The following KHDRBS2 variants were observed in gnomAD, a reference collection of about 807,000 sequenced individuals.
The protein encoded by KHDRBS2 is KH RNA binding domain containing, signal transduction associated 2.
A neutral mutation model predicts 44.3 loss-of-function variants in KHDRBS2; 26 were observed. The observed-to-expected ratio is 0.59, with a 90% CI of 0.43 to 0.81. KHDRBS2 has a LOEUF of 0.81. Ranked by LOEUF, KHDRBS2 falls within the 40% of genes least tolerant of loss-of-function variation. The pLI is 0.00. For synonymous variants in KHDRBS2, 194 were observed against 151.1 expected, an observed-to-expected ratio of 1.28 and a Z score of -2.08; for missense variants, 476 against 433.1, an observed-to-expected ratio of 1.10 and a Z score of -0.88.
At chr6:62,041,320 A>G (rs1786451908) in intron 3 of KHDRBS2, among the ~76,000 whole-genome samples, 1 of 152,124 alleles carries the variant, frequency 6.6e-6, no homozygotes, top group African/African-American at 2.4e-5. Flanking sequence ...AGCAAGAATG[A>G]GACTCCGTCT....
intron 6 of KHDRBS2, among the ~76,000 whole-genome samples, chr6:61,885,488 A>G (rs181873432): frequency 6.6e-6 from 1 of 152,288 alleles, no homozygotes; most frequent in East Asian, 1.9e-4. Context: ...GTAGTTCACA[A>G]TGGAATAGCA....
At chr6:61,728,196 C>A (rs1232617466) in intron 7 of KHDRBS2, among the ~76,000 whole-genome samples, 1 of 151,786 alleles carries the variant, frequency 6.6e-6, no homozygotes, top group Non-Finnish European at 1.5e-5. Flanking sequence ...AAGAGAAAAC[C>A]AAAAACCACA....
chr6:61,896,532 C>T (rs1802975352), intron 5 of KHDRBS2, among the ~76,000 whole-genome samples: 1 of 152,138 alleles, frequency 6.6e-6, no homozygotes, highest in East Asian at 1.9e-4. Flanking sequence ...GCAAACCTGC[C>T]TCCTGAACCT....
chr6:61,903,285 C>T (rs1252706169), intron 4 of KHDRBS2, among the ~76,000 whole-genome samples: 2 of 152,066 alleles, frequency 1.3e-5, no homozygotes, highest in African/African-American at 4.8e-5. Flanking sequence ...AGCTTCTTCT[C>T]TGAGGAAAAC....
chr6:61,662,095 A>T, the KHDRBS2 span, among the ~76,000 whole-genome samples: 72 of 152,234 alleles, frequency 4.7e-4, no homozygotes, highest in South Asian at 4.6e-3. Flanking sequence ...ATAATGCTGC[A>T]TATCTACAAC....
intron 6 of KHDRBS2, among the ~76,000 whole-genome samples, chr6:61,752,938 T>C (rs1324540407): frequency 1.3e-5 from 2 of 152,098 alleles, no homozygotes; most frequent in Admixed American, 6.6e-5. Flanking sequence ...TCTGGATTAA[T>C]AGAATAATAA....
intron 7 of KHDRBS2, among the ~76,000 whole-genome samples, chr6:61,712,263 C>T (rs555971580): frequency 2.0e-5 from 3 of 151,800 alleles, no homozygotes; most frequent in African/African-American, 7.3e-5. Flanking sequence ...AATCACACAG[C>T]AAAGGTCATG....
the KHDRBS2 span, among the ~76,000 whole-genome samples, chr6:61,586,428 G>A: frequency 3.3e-5 from 5 of 152,086 alleles, no homozygotes; most frequent in African/African-American, 1.2e-4. Flanking sequence ...TCTGGGACCA[G>A]TTTTCACTTT....
intron 7 of KHDRBS2, among the ~76,000 whole-genome samples, chr6:61,699,069 T>G (rs1472525628): frequency 5.3e-5 from 8 of 152,142 alleles, no homozygotes; most frequent in Non-Finnish European, 1.2e-4. Context: ...CTTCTTGTTA[T>G]AGAAAATTGG....
At chr6:61,752,897 C>T (rs12209481) in intron 6 of KHDRBS2, among the ~76,000 whole-genome samples, 24 of 152,118 alleles carry the variant, frequency 1.6e-4, no homozygotes, top group Admixed American at 1.3e-3. Flanking sequence ...TCCTGAGAGG[C>T]TGAATACACT....
intron 7 of KHDRBS2, among the ~76,000 whole-genome samples, chr6:61,723,084 C>T (rs1487292799): frequency 6.6e-6 from 1 of 152,074 alleles, no homozygotes; most frequent in African/African-American, 2.4e-5. Context: ...ATGGGAAAAA[C>T]TGAGGCAACT....
At chr6:61,911,240 T>C (rs1805996499) in intron 4 of KHDRBS2, among the ~76,000 whole-genome samples, 1 of 152,156 alleles carries the variant, frequency 6.6e-6, no homozygotes, top group African/African-American at 2.4e-5. Context: ...TTTAACCTGT[T>C]AGATGTTTTT....
chr6:62,123,610 T>A (rs1401015467), intron 2 of KHDRBS2, among the ~76,000 whole-genome samples: 1 of 152,224 alleles, frequency 6.6e-6, no homozygotes, highest in African/African-American at 2.4e-5. Context: ...TTGAGATGCA[T>A]AATTTTTTAA....
At chr6:61,870,524 C>G (rs1483452074) in intron 6 of KHDRBS2, among the ~76,000 whole-genome samples, 1 of 152,094 alleles carries the variant, frequency 6.6e-6, no homozygotes, top group Non-Finnish European at 1.5e-5. Flanking sequence ...GACCTCCCAG[C>G]ATAGTGTCAG....
intron 7 of KHDRBS2, among the ~76,000 whole-genome samples, chr6:61,726,859 T>C (rs558478960): frequency 1.3e-5 from 2 of 152,212 alleles, no homozygotes; most frequent in African/African-American, 2.4e-5. Flanking sequence ...AAGTAATTTA[T>C]AGATTCAATA....
At chr6:61,585,506 C>T in the KHDRBS2 span, among the ~76,000 whole-genome samples, 1 of 151,978 alleles carries the variant, frequency 6.6e-6, no homozygotes, top group East Asian at 1.9e-4. Context: ...AACCTCTTTC[C>T]TATTCTCTAA....
chr6:61,745,162 G>A (rs536456310), intron 6 of KHDRBS2, among the ~76,000 whole-genome samples: 1 of 152,200 alleles, frequency 6.6e-6, no homozygotes, highest in Admixed American at 6.5e-5. Flanking sequence ...TTGGCGCTTG[G>A]TGGGGACAAA....
At chr6:61,952,200 T>C (rs1392633890) in intron 4 of KHDRBS2, among the ~76,000 whole-genome samples, 5 of 152,080 alleles carry the variant, frequency 3.3e-5, no homozygotes. Context: ...TAAAACTAAT[T>C]GTTTTTAAAG....
intron 6 of KHDRBS2, among the ~76,000 whole-genome samples, chr6:61,884,666 C>A (rs780894422): frequency 4.1e-5 from 6 of 146,814 alleles, no homozygotes; most frequent in Non-Finnish European, 7.5e-5. Flanking sequence ...CCTTTACCTG[C>A]ACATAACAGT....
Sources: allele counts gnomAD v4.1 joint callset (sites outside exome capture counted in the v4.1 genomes callset), GRCh38; gene constraint gnomAD v4.1.1; transcripts MANE v1.5; gene names NCBI Gene and HGNC (gene_info 2026-07-23, HGNC 2026-07-21).